The following SGCZ variants were observed in gnomAD, a reference collection of about 807,000 sequenced individuals.
SGCZ encodes the protein sarcoglycan zeta, also known as zeta-sarcoglycan.
Under a neutral mutation model 41.3 loss-of-function variants are expected in SGCZ, and 40 were observed. The ratio of observed to expected loss-of-function variants is 0.97; its 90% CI spans 0.75 to 1.26. The LOEUF (loss-of-function observed/expected upper bound fraction) is 1.26. Among genes scored for constraint, SGCZ ranks in the 50% most tolerant of loss-of-function variants. SGCZ has a pLI of 0.00. For missense variants in SGCZ, 552 were observed against 369.8 expected (o/e 1.49, Z -4.04); for synonymous variants, 206 against 137.5 (o/e 1.50, Z -3.49).
At chr8:14,725,934 T>C (rs1390851668) in intron 1 of SGCZ, among the ~76,000 whole-genome samples, 1 of 152,088 alleles carries the variant, frequency 6.6e-6, no homozygotes, top group East Asian at 1.9e-4. Context: ...AATATAAAAA[T>C]TTGCTTTTTT....
intron 2 of SGCZ, among the ~76,000 whole-genome samples, chr8:14,367,461 AC>A (rs1585412933): frequency 6.6e-6 from 1 of 151,928 alleles, no homozygotes; most frequent in Non-Finnish European, 1.5e-5. Context: ...GTACCAATTT[AC>A]TTTATCAGTC....
At chr8:15,079,071 CT>C (rs1805648116) in intron 1 of SGCZ, among the ~76,000 whole-genome samples, 1 of 152,154 alleles carries the variant, frequency 6.6e-6, no homozygotes, top group East Asian at 1.9e-4. Flanking sequence ...ATTGCTCCTC[CT>C]TCTTCCTCCC....
intron 1 of SGCZ, among the ~76,000 whole-genome samples, chr8:14,856,168 G>T (rs1302294604): frequency 6.6e-6 from 1 of 152,166 alleles, no homozygotes; most frequent in Non-Finnish European, 1.5e-5. Flanking sequence ...TACACTTTTT[G>T]TGGTGTTTAA....
intron 6 of SGCZ, among the ~76,000 whole-genome samples, chr8:14,103,540 A>T (rs972898441): frequency 7.2e-5 from 11 of 152,184 alleles, no homozygotes; most frequent in Non-Finnish European, 1.5e-4. Context: ...TCAAATGGTT[A>T]GGTCTCTGGA....
At chr8:14,801,445 TATATAATGTAACA>T (rs1585272295) in intron 1 of SGCZ, among the ~76,000 whole-genome samples, 1 of 152,198 alleles carries the variant, frequency 6.6e-6, no homozygotes, top group East Asian at 1.9e-4. Context: ...GATGTAGCAC[TATATAATGTAACA>T]ATAATTTTCC....
At chr8:14,612,404 T>C (rs1466004252) in intron 1 of SGCZ, among the ~76,000 whole-genome samples, 4 of 152,190 alleles carry the variant, frequency 2.6e-5, no homozygotes, top group African/African-American at 9.6e-5. Flanking sequence ...CTGCCGTGAT[T>C]GTAAGTTTCC....
At chr8:15,209,831 C>T (rs978640243) in intron 1 of SGCZ, among the ~76,000 whole-genome samples, 8 of 152,086 alleles carry the variant, frequency 5.3e-5, no homozygotes, top group Admixed American at 1.3e-4. Flanking sequence ...TCCCAGCCCC[C>T]GGAAGTAAAT....
intron 1 of SGCZ, among the ~76,000 whole-genome samples, chr8:14,640,240 C>T (rs1251822672): frequency 6.6e-6 from 1 of 151,802 alleles, no homozygotes; most frequent in South Asian, 2.1e-4. Context: ...TGTAAAGTGT[C>T]CTTCAGAAGT....
intron 1 of SGCZ, among the ~76,000 whole-genome samples, chr8:15,217,322 C>T (rs541498725): frequency 4.4e-4 from 66 of 150,592 alleles, no homozygotes; most frequent in Non-Finnish European, 7.1e-4. Flanking sequence ...GAGGCTGAGG[C>T]AGGAGAATGG....
chr8:14,730,700 C>T (rs1810209969), intron 1 of SGCZ, among the ~76,000 whole-genome samples: 1 of 151,804 alleles, frequency 6.6e-6, no homozygotes, highest in East Asian at 1.9e-4. Flanking sequence ...GGGACTGGGG[C>T]CAACATGTTC....
chr8:15,147,560 G>C (rs1799069453), intron 1 of SGCZ, among the ~76,000 whole-genome samples: 1 of 152,198 alleles, frequency 6.6e-6, no homozygotes, highest in African/African-American at 2.4e-5. Flanking sequence ...TCACAGGCGT[G>C]AGCTGCCGTA....
At chr8:14,137,993 T>C (rs1803253785) in intron 5 of SGCZ, among the ~76,000 whole-genome samples, 1 of 152,136 alleles carries the variant, frequency 6.6e-6, no homozygotes. Flanking sequence ...CAGCAGAAAT[T>C]CTACAAGCCA....
At chr8:15,141,428 C>G (rs1275856275) in intron 1 of SGCZ, among the ~76,000 whole-genome samples, 1 of 152,230 alleles carries the variant, frequency 6.6e-6, no homozygotes, top group South Asian at 2.1e-4. Flanking sequence ...CACAGAATAT[C>G]TAATTTATGT....
At chr8:15,014,081 C>T (rs1281009448) in intron 1 of SGCZ, among the ~76,000 whole-genome samples, 1 of 152,196 alleles carries the variant, frequency 6.6e-6, no homozygotes, top group Non-Finnish European at 1.5e-5. Flanking sequence ...TTTGCTCAAA[C>T]ATCTCCCTTC....
At chr8:14,192,126 A>G (rs969752399) in intron 4 of SGCZ, among the ~76,000 whole-genome samples, 65 of 152,212 alleles carry the variant, frequency 4.3e-4, no homozygotes, top group African/African-American at 1.4e-3. Context: ...TCCTAAAAAA[A>G]TACTGGTCAA....
Position 15,238,084 on chromosome 8 carries a change from C to T in SGCZ, c.-461G>A, listed in dbSNP as rs1802200616. On this transcript the variant is annotated 5_prime_UTR_variant, in exon 1 of 8. Transcript: ENST00000382080. ...AAGAGTGTATGATAAAAGGCTTCCT[C>T]CGTCAGGCTTACTCTGGTAGGTAAT... 6.5e-6 allele frequency: 1 copy of T among 154,764 alleles called. No individual in the cohort carries two copies. The highest frequency in any genetic ancestry group is 2.4e-5 in the African/African-American group (1 of 41,472). The allele number at this position is 154,764 out of a possible 1,614,324, so 9.6% of individuals were successfully genotyped here. A position where few individuals can be genotyped will look rare whatever the true frequency, so the allele number is the denominator to read the frequency against.
intron 1 of SGCZ, among the ~76,000 whole-genome samples, chr8:14,718,291 T>G (rs1809762188): frequency 6.6e-6 from 1 of 151,930 alleles, no homozygotes; most frequent in Admixed American, 6.6e-5. Context: ...AGGAGACAGC[T>G]GCTATAAGGA....
At chr8:15,043,110 T>C (rs1475039153) in intron 1 of SGCZ, among the ~76,000 whole-genome samples, 1 of 152,190 alleles carries the variant, frequency 6.6e-6, no homozygotes, top group African/African-American at 2.4e-5. Flanking sequence ...TACAACAGCA[T>C]CCTCAACCAC....
chr8:15,223,731 T>C (rs955301299), intron 1 of SGCZ, among the ~76,000 whole-genome samples: 1 of 152,210 alleles, frequency 6.6e-6, no homozygotes, highest in African/African-American at 2.4e-5. Flanking sequence ...TTTTACTAAT[T>C]ATATTTTGCA....
Sources: allele counts gnomAD v4.1 joint callset (sites outside exome capture counted in the v4.1 genomes callset), GRCh38; gene constraint gnomAD v4.1.1; transcripts MANE v1.5; gene names NCBI Gene and HGNC (gene_info 2026-07-23, HGNC 2026-07-21).